Variants in EIF4E3 observed in about 807,000 individuals in gnomAD.
The protein encoded by EIF4E3 is eukaryotic translation initiation factor 4E family member 3.
EIF4E3 carries 26 observed loss-of-function variants against 31.7 expected under a neutral mutation model. The observed-to-expected ratio is 0.82, with a 90% confidence interval of 0.60 to 1.14. EIF4E3 has a LOEUF of 1.14. Among genes scored for constraint, EIF4E3 ranks in the 50% most tolerant of loss-of-function variants. EIF4E3 has a pLI of 0.00. For missense variants in EIF4E3, 304 were observed against 270.9 expected (o/e 1.12, Z -0.86); for synonymous variants, 128 against 107.7 (o/e 1.19, Z -1.17).
intron 1 of EIF4E3, among the ~76,000 whole-genome samples, chr3:71,749,673 A>G (rs1480939962): frequency 6.6e-6 from 1 of 152,148 alleles, no homozygotes; most frequent in Non-Finnish European, 1.5e-5. Flanking sequence ...CGTACATCAA[A>G]GAAGTGACAT....
intron 1 of EIF4E3, among the ~76,000 whole-genome samples, chr3:71,751,085 T>C (rs183639267): frequency 3.9e-4 from 59 of 152,014 alleles, no homozygotes; most frequent in Non-Finnish European, 5.9e-4. Flanking sequence ...TTTTAAAAAT[T>C]AGCGGGGCAT....
chr3:71,733,371 T>C (rs1345612509), intron 1 of EIF4E3, among the ~76,000 whole-genome samples: 1 of 152,192 alleles, frequency 6.6e-6, no homozygotes. Flanking sequence ...AGGATAAGAT[T>C]TTGTTTTGGG....
chr3:71,705,499 A>G (rs1424487582), intron 2 of EIF4E3, among the ~76,000 whole-genome samples: 1 of 152,232 alleles, frequency 6.6e-6, no homozygotes, highest in Non-Finnish European at 1.5e-5. Flanking sequence ...TTATAGAGGA[A>G]ATATGGTTTC....
intron 1 of EIF4E3, among the ~76,000 whole-genome samples, chr3:71,746,008 C>T (rs1440514196): frequency 3.3e-5 from 5 of 152,098 alleles, no homozygotes; most frequent in Non-Finnish European, 5.9e-5. Context: ...CCACCTATGC[C>T]GTTAGCATAA....
upstream of EIF4E3, chr3:71,754,471 C>G: frequency 7.5e-7 from 1 of 1,326,400 alleles, no homozygotes; most frequent in South Asian, 1.9e-5. The surrounding 1 kb of genome is among the most constrained non-coding windows in gnomAD (Gnocchi z 5.8). Flanking sequence ...CCGTGCGCCG[C>G]CATGCTGGTG....
At chr3:71,729,798 ATGTGTGTGTGTGTGTGTGTGTGTGTG>A (rs3066626), upstream of EIF4E3, among the ~76,000 whole-genome samples, 3 of 129,692 alleles carry the variant, frequency 2.3e-5, no homozygotes, top group Non-Finnish European at 3.2e-5. Context: ...TTCCAATAGA[ATGTGTGTGTGTGTGTGTGTGTGTGTG>A]TGTGTGTGTG....
chr3:71,731,221 A>G (rs1578382080), intron 1 of EIF4E3, among the ~76,000 whole-genome samples: 2 of 152,192 alleles, frequency 1.3e-5, no homozygotes, highest in African/African-American at 4.8e-5. Context: ...GCTCTCAGAA[A>G]AAAACCCAGA....
intron 1 of EIF4E3, among the ~76,000 whole-genome samples, chr3:71,745,259 T>C (rs2049859803): frequency 6.6e-6 from 1 of 152,184 alleles, no homozygotes; most frequent in Admixed American, 6.5e-5. Context: ...ATAGGAAAAA[T>C]TTATATGTGT....
rs546349962 is a variant in EIF4E3, at chr3:71,746,395, C to T, written c.-291+7068G>A. Reference sequence around the variant, plus strand: ...TGGTTAAATAAAACTTTCTTAATCTCTCTTCCCAGGTTTACCTAAACATCA... The same window carrying T: ...TGGTTAAATAAAACTTTCTTAATCTTTCTTCCCAGGTTTACCTAAACATCA... On this transcript the variant is annotated intron_variant, in intron 1 of 7. Coordinates refer to the EIF4E3 transcript ENST00000295612. 1.5e-4 allele frequency among the ~76,000 whole-genome samples: 23 copies of T among 152,326 alleles called. 1 individual carries two copies. The highest frequency in any genetic ancestry group is 5.3e-4 in the African/African-American group (22 of 41,572).
At chr3:71,754,608 C>A, upstream of EIF4E3, 1 of 1,440,822 alleles carries the variant, frequency 6.9e-7, no homozygotes, top group Non-Finnish European at 9.1e-7. The surrounding 1 kb of genome is among the most constrained non-coding windows in gnomAD (Gnocchi z 5.8). Flanking sequence ...GCTGGGCTTC[C>A]TGCTGCTGCT....
At chr3:71,672,193 C>G (rs1012093696), downstream of EIF4E3, among the ~76,000 whole-genome samples, 2 of 152,004 alleles carry the variant, frequency 1.3e-5, no homozygotes. Context: ...CTTAACCAAA[C>G]GTGGGCTCTC....
the EIF4E3 span, among the ~76,000 whole-genome samples, chr3:71,666,031 A>G: frequency 5.4e-3 from 829 of 152,118 alleles, 14 homozygotes; most frequent in Admixed American, 0.042. Flanking sequence ...AACATCACAA[A>G]AGAACTAGAG....
At chr3:71,745,167 T>C (rs2044605) in intron 1 of EIF4E3, among the ~76,000 whole-genome samples, 105,984 of 152,144 alleles carry the variant, frequency 0.7, 38,089 homozygotes, top group East Asian at 1. Context: ...ATGCTCTCCT[T>C]AACAACTGTT....
the EIF4E3 span, among the ~76,000 whole-genome samples, chr3:71,662,875 T>A: frequency 2.6e-5 from 4 of 152,082 alleles, no homozygotes; most frequent in African/African-American, 9.7e-5. Context: ...GAAAGAAGAC[T>A]TGGGGGCAGA....
chr3:71,668,291 C>CA, the EIF4E3 span, among the ~76,000 whole-genome samples: 3 of 152,036 alleles, frequency 2.0e-5, no homozygotes, highest in Non-Finnish European at 2.9e-5. Context: ...GACCTAAAAC[C>CA]ATAAAAACCC....
intron 6 of EIF4E3, among the ~76,000 whole-genome samples, chr3:71,688,921 T>C (rs1237124103): frequency 6.6e-6 from 1 of 152,182 alleles, no homozygotes; most frequent in Non-Finnish European, 1.5e-5. Context: ...GGCCTGTAAT[T>C]ATATGATTCC....
the EIF4E3 span, among the ~76,000 whole-genome samples, chr3:71,667,425 T>G: frequency 2.8e-4 from 42 of 152,264 alleles, no homozygotes; most frequent in East Asian, 7.7e-3. Flanking sequence ...GAGGAAGAAA[T>G]AAAGGTATTT....
At chr3:71,701,707 G>A (rs764447164) in intron 2 of EIF4E3, among the ~76,000 whole-genome samples, 2 of 152,140 alleles carry the variant, frequency 1.3e-5, no homozygotes, top group Non-Finnish European at 2.9e-5. Flanking sequence ...ATCCTGCTGG[G>A]TTGTTCAAGC....
intron 1 of EIF4E3, among the ~76,000 whole-genome samples, chr3:71,742,361 CTT>C (rs1402355635): frequency 2.0e-5 from 3 of 152,058 alleles, no homozygotes; most frequent in Non-Finnish European, 4.4e-5. Context: ...TTATTAACAA[CTT>C]ATGCCAATGA....
Sources: allele counts gnomAD v4.1 joint callset (sites outside exome capture counted in the v4.1 genomes callset), GRCh38; gene constraint gnomAD v4.1.1; non-coding constraint Gnocchi (gnomAD v3.1); transcripts MANE v1.5; gene names NCBI Gene and HGNC (gene_info 2026-07-23, HGNC 2026-07-21).